Variants in NTN5 observed in about 807,000 individuals in gnomAD.
NTN5 encodes netrin 5.
NTN5 carries 42 observed loss-of-function variants against 38.7 expected under a neutral mutation model. The observed-to-expected ratio is 1.08, with a 90% CI of 0.85 to 1.40. The LOEUF (loss-of-function observed/expected upper bound fraction) is 1.40. NTN5 is among the 40% of genes most tolerant of loss of function. NTN5 has a pLI of 0.00. For synonymous variants in NTN5, 329 were observed against 303.9 expected (o/e 1.08, Z -0.86); for missense variants, 658 against 716.5 (o/e 0.92, Z 0.93).
chr19:48,667,413 G>A (rs1360411758), intron 2 of NTN5: 14 of 421,640 alleles, frequency 3.3e-5, no homozygotes, highest in African/African-American at 4.1e-5. Context: ...CCTCCCCAGC[G>A]CCCAGGCCCT....
At position 48,670,915 on chromosome 19, in the gene NTN5, G is replaced by A. The variant is rs1164045332; in HGVS notation, c.72C>T (p.Gly24=). The change falls in exon 2 of 7, where the codon GGC becomes GGT. Residue 24 remains glycine, a synonymous_variant. Transcript: ENST00000270235. ...CTGGCGGGAGGCAGAATTGGGGGCG[G>A]CCCTGTGGATCGTAGCATGGGTCCG... ...ATADPCYDPQ[G]RPQFCLPPVT... The A allele has an allele frequency of 7.5e-6, 12 of 1,601,000 alleles. No homozygotes were observed. Among genetic ancestry groups the A allele is most frequent in the Non-Finnish European group, 1.0e-5 (12 of 1,173,156 alleles).
chr19:48,661,515 C>T lies in NTN5; in HGVS notation c.*162G>A, dbSNP rs2031536616. 1.1e-6 allele frequency: 1 copy of T among 888,354 alleles called. No individual in the cohort carries two copies. 55.0% of individuals were successfully genotyped at this position (888,354 alleles called of 1,614,324 possible). ...CAGAAGTCCCGCTTGCCGCCTTTTG[C>T]TAAAAGTTCCGCACGCCTGCTCGGC... On this transcript the variant is annotated 3_prime_UTR_variant, in exon 7 of 7. Coordinates refer to ENST00000270235, the MANE Select transcript of NTN5 (RefSeq NM_145807.4).
At chr19:48,666,925 A>C (rs1043630775) in intron 2 of NTN5, among the ~76,000 whole-genome samples, 1 of 151,700 alleles carries the variant, frequency 6.6e-6, no homozygotes, top group Non-Finnish European at 1.5e-5. Context: ...AGAGACTTGG[A>C]CTGCAGGGTG....
rs1468573269 is a variant in NTN5 at position 48,672,995 on chromosome 19, G to T, written c.-84C>A. Reference sequence around the variant, plus strand: ...GCAGGCTCTTCCTCCAAGCTGTGGCGCGGTGGGCTCTCAGGAGGGAGTGGC... The same window carrying T: ...GCAGGCTCTTCCTCCAAGCTGTGGCTCGGTGGGCTCTCAGGAGGGAGTGGC... On this transcript the variant is annotated 5_prime_UTR_variant, in exon 1 of 7. Coordinates refer to ENST00000270235, the MANE Select transcript of NTN5 (RefSeq NM_145807.4). 1.3e-5 allele frequency: 4 copies of T among 316,192 alleles called. No homozygotes were observed. Among genetic ancestry groups the T allele is most frequent in the Non-Finnish European group, 2.6e-5 (4 of 153,674 alleles). 19.6% of individuals were successfully genotyped at this position (316,192 alleles called of 1,614,324 possible).
chr19:48,663,116 C>T (rs2031592315), intron 6 of NTN5: 1 of 441,350 alleles, frequency 2.3e-6, no homozygotes, highest in South Asian at 1.7e-5. Context: ...TGAAGGGAAG[C>T]AGAAAGGGTC....
chr19:48,669,127 CCAT>C (rs1347666598), intron 2 of NTN5, among the ~76,000 whole-genome samples: 31 of 137,984 alleles, frequency 2.2e-4, no homozygotes, highest in African/African-American at 6.3e-4. Context: ...ACCACCACCA[CCAT>C]CATCATATCA....
At chr19:48,668,263 T>C (rs1010454921) in intron 2 of NTN5, among the ~76,000 whole-genome samples, 1 of 152,162 alleles carries the variant, frequency 6.6e-6, no homozygotes, top group African/African-American at 2.4e-5. Context: ...TCTTTGAGCC[T>C]CACCTTCCTC....
intron 2 of NTN5, among the ~76,000 whole-genome samples, chr19:48,669,540 T>C (rs866095358): frequency 0.012 from 100 of 8,152 alleles, 1 homozygote; most frequent in Admixed American, 0.021. Context: ...ACCACCACCA[T>C]CACCACCACC....
At position 48,667,865 on chromosome 19, in the gene NTN5, A is replaced by C. The variant is rs980556822; in HGVS notation, c.631+2491T>G. Among the ~76,000 whole-genome samples the C allele has an allele frequency of 1.4e-4, 21 of 152,066 alleles. 1 individual carries two copies. Among genetic ancestry groups the C allele is most frequent in the Admixed American group, 1.3e-3 (20 of 15,282 alleles). On this transcript the variant is annotated intron_variant, in intron 2 of 6. Coordinates refer to ENST00000270235, the MANE Select transcript of NTN5 (RefSeq NM_145807.4). ...AGCAAGACTCCATCTCAAAAGAAAAAAAAAAGAAATAGAGGGCCGGGAGGC... is the reference window on the plus strand; with the variant it reads ...AGCAAGACTCCATCTCAAAAGAAAACAAAAAGAAATAGAGGGCCGGGAGGC...
intron 2 of NTN5, among the ~76,000 whole-genome samples, chr19:48,669,189 T>C (rs1210433975): frequency 7.8e-4 from 18 of 23,172 alleles, no homozygotes; most frequent in Non-Finnish European, 1.1e-3. Flanking sequence ...ATGACCACCA[T>C]CATCACCACC....
chr19:48,662,878 G>A, intron 6 of NTN5: 1 of 205,438 alleles, frequency 4.9e-6, no homozygotes. Context: ...GAACACTAGT[G>A]ACCAGATGAG....
intron 1 of NTN5, among the ~76,000 whole-genome samples, chr19:48,672,459 T>C (rs1441682435): frequency 2.6e-5 from 4 of 152,104 alleles, no homozygotes; most frequent in Non-Finnish European, 5.9e-5. Context: ...TGCCCCAGCC[T>C]GGCCTCACTG....
intron 6 of NTN5, chr19:48,663,151 G>C (rs1601203695): frequency 3.9e-6 from 2 of 508,848 alleles, no homozygotes; most frequent in East Asian, 5.3e-5. Flanking sequence ...GACAGGGCAA[G>C]AGTTCATTCC....
Position 48,670,851 on chromosome 19 carries a change from C to T in NTN5, c.136G>A (p.Ala46Thr). ...LAAVAASCPQACALSPGNHLG... is the reference protein window; with the variant it reads ...LAAVAASCPQTCALSPGNHLG... ...TGGTTTCCTGGGGACAGGGCACAGG[C>T]CTGAGGGCAGGAGGCCGCCACGGCA... Residue 46 changes from alanine to threonine, a missense_variant, in exon 2 of 7, where the codon GCC becomes ACC. Transcript: ENST00000270235. 1 of 1,612,658 alleles carries T rather than the reference C, an allele frequency of 6.2e-7. No homozygotes were observed. The highest frequency in any genetic ancestry group is 8.5e-7 in the Non-Finnish European group (1 of 1,179,768).
intron 2 of NTN5, among the ~76,000 whole-genome samples, chr19:48,668,905 G>T (rs2031773178): frequency 6.6e-6 from 1 of 151,346 alleles, no homozygotes; most frequent in Non-Finnish European, 1.5e-5. Context: ...CAGGCCCTGG[G>T]ATGGGTGCTC....
chr19:48,670,270 G>A (rs1339482006), intron 2 of NTN5, 86 bp downstream of exon 2: 1 of 1,302,168 alleles, frequency 7.7e-7, no homozygotes, highest in Non-Finnish European at 1.0e-6. Flanking sequence ...GTTCCAGCGA[G>A]GGAAGGGAAC....
At chr19:48,663,886 C>T in intron 4 of NTN5, 72 bp from the exon 5 acceptor site, 1 of 1,452,882 alleles carries the variant, frequency 6.9e-7, no homozygotes, top group Non-Finnish European at 9.7e-7. Context: ...CCCCGGGAAT[C>T]CAGGCACCCA....
In NTN5 at chr19:48,670,622, G is replaced by T. The variant is rs551349605; in HGVS notation, c.365C>A (p.Thr122Asn). 1.3e-6 allele frequency: 2 copies of T among 1,599,984 alleles called. No individual in the cohort carries two copies. Residue 122 changes from threonine to asparagine, a missense_variant, in exon 2 of 7, where the codon ACC becomes AAC. Thr to Asn is a moderately conservative substitution (Grantham distance 65). Coordinates refer to ENST00000270235, the MANE Select transcript of NTN5 (RefSeq NM_145807.4). ...CTTAGGACCTGGTGTGGAGTGGAAG[G>T]TCACCCTTTCAGGGCCCCCTAAGGC... ...PGALGGPERVTFHSTPGPKAT... is the reference protein window; with the variant it reads ...PGALGGPERVNFHSTPGPKAT...
chr19:48,663,222 A>C, intron 6 of NTN5: 1 of 637,354 alleles, frequency 1.6e-6, no homozygotes, highest in Non-Finnish European at 2.9e-6. Flanking sequence ...GGAGATGATG[A>C]AACTCTGTAA....
Sources: allele counts gnomAD v4.1 joint callset (sites outside exome capture counted in the v4.1 genomes callset), GRCh38; gene constraint gnomAD v4.1.1; transcripts MANE v1.5; gene names NCBI Gene and HGNC (gene_info 2026-07-23, HGNC 2026-07-21).